The following CARS1 variants were observed in gnomAD, a reference collection of about 807,000 sequenced individuals.
The protein encoded by CARS1 is cysteinyl-tRNA synthetase 1.
CARS1 carries 48 observed loss-of-function variants against 106.2 expected under a neutral mutation model. That is an observed-to-expected ratio of 0.45 (90% CI 0.36 to 0.57). The LOEUF is 0.57. Among genes scored for constraint, CARS1 ranks in the 20% least tolerant of loss-of-function variants. The pLI, the probability that CARS1 is intolerant of heterozygous loss-of-function variation, is 0.00. For missense variants in CARS1, 968 were observed against 1,057.2 expected, an observed-to-expected ratio of 0.92 and a Z score of 1.17; for synonymous variants, 409 against 403.4, an observed-to-expected ratio of 1.01 and a Z score of -0.17.
rs568375202 is a variant in CARS1 at position 3,038,287 on chromosome 11, G to A, written c.652-88C>T. ...GGTGATTCCAGGTAGAAAACAGAACGGTTTTTCCCATGGCCCCATAGAGAT... is the reference window on the plus strand; with the variant it reads ...GGTGATTCCAGGTAGAAAACAGAACAGTTTTTCCCATGGCCCCATAGAGAT... On this transcript the variant is annotated intron_variant, in intron 6 of 22. Coordinates refer to ENST00000380525, the MANE Select transcript of CARS1 (RefSeq NM_001014437.3). This position sits in a 1 kb window ranked among gnomAD's most constrained non-coding sequence, Gnocchi z 4.0. 34 of 1,290,190 alleles carry A rather than the reference G, an allele frequency of 2.6e-5. No individual in the cohort carries two copies. In the East Asian group the frequency reaches 4.6e-4, roughly 18 times the overall value. 79.9% of individuals were successfully genotyped at this position (1,290,190 alleles called of 1,614,324 possible). A position where few individuals can be genotyped will look rare whatever the true frequency, so the allele number is the denominator to read the frequency against.
In CARS1 at chr11:3,054,187, C is replaced by T. The variant is rs988695939; in HGVS notation, c.25+3156G>A. On this transcript the variant is annotated intron_variant, in intron 1 of 22. Transcript: ENST00000380525. ...CCCCTCCCACTCCCCGTCCTGATCA[C>T]CAGCCCCGGAGGTCCAGCTGCAACT... Among the ~76,000 whole-genome samples, 3 of 152,216 alleles carry T rather than the reference C, an allele frequency of 2.0e-5. No individual in the cohort carries two copies. The East Asian group carries it at 5.8e-4, about 29-fold the overall frequency.
chr11:3,010,815 C>A (rs1451683694), intron 18 of CARS1, among the ~76,000 whole-genome samples: 1 of 152,272 alleles, frequency 6.6e-6, no homozygotes, highest in Admixed American at 6.5e-5. Flanking sequence ...CTGATCCTTC[C>A]TCAAGGTGCA....
chr11:3,005,372 C>T lies in CARS1; in HGVS notation c.2211G>A (p.Lys737=). The change falls in exon 20 of 23, where the codon AAG becomes AAA. Residue 737 remains lysine, a synonymous_variant. Coordinates refer to ENST00000380525, the MANE Select transcript of CARS1 (RefSeq NM_001014437.3). ...TCATTTTCACTTTACTCACCCGTCT[C>T]TTTTCTTCTCTCTCTTTTAATAAGG... ...RNTLLKEREE[K]RRVEEEKRKK... is the part of the protein sequence containing the mutation. 11 of 1,612,362 alleles carry T rather than the reference C, an allele frequency of 6.8e-6. No homozygotes were observed. Among genetic ancestry groups the T allele is most frequent in the Non-Finnish European group, 9.3e-6 (11 of 1,178,448 alleles).
At chr11:3,002,925 G>A (rs1177537943) in intron 20 of CARS1, among the ~76,000 whole-genome samples, 1 of 152,228 alleles carries the variant, frequency 6.6e-6, no homozygotes, top group South Asian at 2.1e-4. Flanking sequence ...AGCATGGTGA[G>A]CCTGGCCCAA....
intron 17 of CARS1, among the ~76,000 whole-genome samples, chr11:3,012,935 G>A (rs1351906397): frequency 6.8e-6 from 1 of 146,902 alleles, no homozygotes; most frequent in African/African-American, 2.6e-5. Context: ...CTGTTGCCAG[G>A]CTGGAGTGCA....
Position 3,029,894 on chromosome 11 carries a change from G to A in CARS1, c.802-451C>T, listed in dbSNP as rs1159071166. 2 of 160,566 alleles carry A rather than the reference G, an allele frequency of 1.2e-5. No individual in the cohort carries two copies. Among genetic ancestry groups the A allele is most frequent in the Non-Finnish European group, 2.7e-5 (2 of 73,780 alleles). 9.9% of individuals were successfully genotyped at this position (160,566 alleles called of 1,614,324 possible). A position where few individuals can be genotyped will look rare whatever the true frequency, so the allele number is the denominator to read the frequency against. On this transcript the variant is annotated intron_variant, in intron 7 of 22. Coordinates refer to ENST00000380525, the MANE Select transcript of CARS1 (RefSeq NM_001014437.3). This position sits in a 1 kb window ranked among gnomAD's most constrained non-coding sequence, Gnocchi z 5.9. The stretch of plus-strand genomic sequence containing the variant: ...AGAGATAGGCAGGGCACTGGTCCCA[G>A]AGGTCTCAAAAGCCCCATCTCCCTG...
chr11:3,006,749 G>A (rs1849906156), intron 19 of CARS1, 130 bp downstream of exon 19: 1 of 800,902 alleles, frequency 1.2e-6, no homozygotes, highest in South Asian at 1.5e-5. Flanking sequence ...GGGGACCCAT[G>A]GGGCTGCCAC....
chr11:3,001,705 C>T (rs1849415399), intron 22 of CARS1, among the ~76,000 whole-genome samples: 2 of 152,166 alleles, frequency 1.3e-5, no homozygotes, highest in Admixed American at 6.5e-5. Flanking sequence ...GATCTTGGCC[C>T]GGGGCCACAA....
Position 3,001,049 on chromosome 11 carries a change from A to G in CARS1, c.*65T>C. 1 of 1,578,192 alleles carries G rather than the reference A, an allele frequency of 6.3e-7. No individual in the cohort carries two copies. The highest frequency in any genetic ancestry group is 8.7e-7 in the Non-Finnish European group (1 of 1,151,832). On this transcript the variant is annotated 3_prime_UTR_variant, in exon 23 of 23. Coordinates refer to ENST00000380525, the MANE Select transcript of CARS1 (RefSeq NM_001014437.3). Reference sequence around the variant, plus strand: ...GTAAACATGATAGGAGCGCTGGGACATTGTCACTGAGGCAGACAGCAGCCA... The same window carrying G: ...GTAAACATGATAGGAGCGCTGGGACGTTGTCACTGAGGCAGACAGCAGCCA...
In CARS1 at chr11:3,053,419, C is replaced by T. The variant is rs1236642298; in HGVS notation, c.25+3924G>A. Among the ~76,000 whole-genome samples, 2 of 151,914 alleles carry T rather than the reference C, an allele frequency of 1.3e-5. No homozygotes were observed. Among genetic ancestry groups the T allele is most frequent in the Non-Finnish European group, 2.9e-5 (2 of 67,970 alleles). Reference sequence around the variant, plus strand: ...CTAATTTTTGTATTTTTAGTAGAGACGGGGTTTCTACATATTGGCCAGGCT... The same window carrying T: ...CTAATTTTTGTATTTTTAGTAGAGATGGGGTTTCTACATATTGGCCAGGCT... On this transcript the variant is annotated intron_variant, in intron 1 of 22. Transcript: ENST00000380525. The surrounding 1 kb of genome is among the most constrained non-coding windows in gnomAD (Gnocchi z 6.6).
At position 3,043,661 on chromosome 11, in the gene CARS1, G is replaced by A. The variant is rs59622389; in HGVS notation, c.275-1405C>T. Among the ~76,000 whole-genome samples, 3,970 of 152,160 alleles carry A rather than the reference G, an allele frequency of 0.026. 184 individuals are homozygous for A. The highest frequency in any genetic ancestry group is 0.09 in the African/African-American group (3,740 of 41,488). On this transcript the variant is annotated intron_variant, in intron 2 of 22. Transcript: ENST00000380525. The surrounding 1 kb of genome is among the most constrained non-coding windows in gnomAD (Gnocchi z 4.0). ...CTGTGCCAGAGGGTCTGGCAGCATG[G>A]CCAGCAAATTGCCACACACTGATCA...
intron 1 of CARS1, among the ~76,000 whole-genome samples, chr11:3,056,961 G>A (rs910841950): frequency 1.2e-4 from 18 of 152,196 alleles, no homozygotes; most frequent in South Asian, 2.1e-4. Context: ...CCAGCCACGG[G>A]TCTGGCAGAC....
At chr11:3,002,369 A>G (rs965701753) in intron 21 of CARS1, 172 bp downstream of exon 21, 18 of 1,262,792 alleles carry the variant, frequency 1.4e-5, no homozygotes, top group Non-Finnish European at 2.0e-5. Flanking sequence ...CCTGCACCCC[A>G]TGTGAGAAGG....
Position 3,041,067 on chromosome 11 carries a change from C to T in CARS1, c.367-83G>A. 1 of 1,608,792 alleles carries T rather than the reference C, an allele frequency of 6.2e-7. No homozygotes were observed. Among genetic ancestry groups the T allele is most frequent in the Non-Finnish European group, 8.5e-7 (1 of 1,176,846 alleles). Reference sequence around the variant, plus strand: ...TTACCAAAAACAGCAACAAACATCACAGTGTGGTTTGTGTTTAGTGTAAAC... The same window carrying T: ...TTACCAAAAACAGCAACAAACATCATAGTGTGGTTTGTGTTTAGTGTAAAC... On this transcript the variant is annotated intron_variant, in intron 3 of 22. Coordinates refer to ENST00000380525, the MANE Select transcript of CARS1 (RefSeq NM_001014437.3). This position sits in a 1 kb window ranked among gnomAD's most constrained non-coding sequence, Gnocchi z 4.9.
Position 3,048,527 on chromosome 11 carries a change from G to A in CARS1, c.26-526C>T, listed in dbSNP as rs1311692282. 1.3e-5 allele frequency: 2 copies of A among 152,252 alleles called. No homozygotes were observed. The highest frequency in any genetic ancestry group is 2.4e-5 in the African/African-American group (1 of 41,418). 9.4% of individuals were successfully genotyped at this position (152,252 alleles called of 1,614,324 possible). A position where few individuals can be genotyped will look rare whatever the true frequency, so the allele number is the denominator to read the frequency against. On this transcript the variant is annotated intron_variant, in intron 1 of 22. Transcript: ENST00000380525. This position sits in a 1 kb window ranked among gnomAD's most constrained non-coding sequence, Gnocchi z 5.1. The stretch of plus-strand genomic sequence containing the variant: ...CCCTCCTGTCAGCTAAGTATGTTAC[G>A]AGAATTTAACCTCAATTTTTAAAAA...
rs1854167842 is a variant in CARS1, at chr11:3,039,685, T to C, written c.552+150A>G. 33 of 562,476 alleles carry C rather than the reference T, an allele frequency of 5.9e-5. No individual in the cohort carries two copies. In the South Asian group the frequency reaches 7.8e-4, roughly 13 times the overall value. The allele number at this position is 562,476 out of a possible 1,614,324, so 34.8% of individuals were successfully genotyped here. A position where few individuals can be genotyped will look rare whatever the true frequency, so the allele number is the denominator to read the frequency against. ...ATGATCATATCAGTAGCAGAAGTGGTAATATTAACTCACTGAGGGGATTAA... is the reference window on the plus strand; with the variant it reads ...ATGATCATATCAGTAGCAGAAGTGGCAATATTAACTCACTGAGGGGATTAA... On this transcript the variant is annotated intron_variant, in intron 5 of 22. Coordinates refer to ENST00000380525, the MANE Select transcript of CARS1 (RefSeq NM_001014437.3). The surrounding 1 kb of genome is among the most constrained non-coding windows in gnomAD (Gnocchi z 5.6).
intron 1 of CARS1, among the ~76,000 whole-genome samples, chr11:3,056,805 A>C (rs1268290041): frequency 3.3e-5 from 5 of 152,102 alleles, no homozygotes; most frequent in African/African-American, 1.2e-4. Context: ...CCGCCCAGGC[A>C]CCGGCTGGGG....
chr11:3,030,847 T>A lies in CARS1; in HGVS notation c.802-1404A>T, dbSNP rs534684761. The stretch of plus-strand genomic sequence containing the variant: ...ACGGAACCTGCAGAGATGAAATCTA[T>A]TAACAGGCGAAACAGTCTTATCCAT... On this transcript the variant is annotated intron_variant, in intron 7 of 22. Transcript: ENST00000380525. This position sits in a 1 kb window ranked among gnomAD's most constrained non-coding sequence, Gnocchi z 5.7. 4 of 152,352 alleles carry A rather than the reference T, an allele frequency of 2.6e-5. No homozygotes were observed. Among genetic ancestry groups the A allele is most frequent in the African/African-American group, 7.2e-5 (3 of 41,578 alleles). 9.4% of individuals were successfully genotyped at this position (152,352 alleles called of 1,614,324 possible).
chr11:3,046,857 C>A lies in CARS1; in HGVS notation c.274+896G>T, dbSNP rs572062992. Among the ~76,000 whole-genome samples the A allele has an allele frequency of 1.3e-5, 2 of 152,208 alleles. No individual in the cohort carries two copies. The highest frequency in any genetic ancestry group is 2.9e-5 in the Non-Finnish European group (2 of 68,046). On this transcript the variant is annotated intron_variant, in intron 2 of 22. Coordinates refer to ENST00000380525, the MANE Select transcript of CARS1 (RefSeq NM_001014437.3). This position sits in a 1 kb window ranked among gnomAD's most constrained non-coding sequence, Gnocchi z 5.8. ...CCACAGAGTGACAAAGCCATGCAGGCATCCCAGGAGTATCTCCCGCAAATA... is the reference window on the plus strand; with the variant it reads ...CCACAGAGTGACAAAGCCATGCAGGAATCCCAGGAGTATCTCCCGCAAATA...
Sources: allele counts gnomAD v4.1 joint callset (sites outside exome capture counted in the v4.1 genomes callset), GRCh38; gene constraint gnomAD v4.1.1; non-coding constraint Gnocchi (gnomAD v3.1); transcripts MANE v1.5; gene names NCBI Gene and HGNC (gene_info 2026-07-23, HGNC 2026-07-21).